SNTG2: variants seen among roughly 807,000 people sequenced by gnomAD.
The protein encoded by SNTG2 is syntrophin gamma 2, also known as gamma-2-syntrophin.
A neutral mutation model predicts 70.9 loss-of-function variants in SNTG2; 74 were observed. The ratio of observed to expected loss-of-function variants is 1.04; its 90% CI spans 0.86 to 1.27. The LOEUF (loss-of-function observed/expected upper bound fraction) is 1.27. Ranked by LOEUF, SNTG2 falls within the 50% of genes most tolerant of loss-of-function variation. The pLI is 0.00. For missense variants in SNTG2, 717 were observed against 690.7 expected, an observed-to-expected ratio of 1.04 and a Z score of -0.43; for synonymous variants, 278 against 273.8, an observed-to-expected ratio of 1.02 and a Z score of -0.15.
intron 9 of SNTG2, among the ~76,000 whole-genome samples, chr2:1,224,781 A>G (rs1227004200): frequency 5.3e-5 from 8 of 152,260 alleles, no homozygotes; most frequent in South Asian, 2.1e-4. Context: ...GGTGTTCTGA[A>G]TCGGGGCTCG....
At chr2:1,141,331 G>A (rs115403636) in intron 6 of SNTG2, among the ~76,000 whole-genome samples, 1,860 of 152,286 alleles carry the variant, frequency 0.012, 48 homozygotes, top group African/African-American at 0.043. Flanking sequence ...CTTCGGTGCC[G>A]GAACACAAAG....
intron 13 of SNTG2, among the ~76,000 whole-genome samples, chr2:1,263,662 G>A (rs1055736502): frequency 6.6e-6 from 1 of 152,138 alleles, no homozygotes; most frequent in African/African-American, 2.4e-5. Flanking sequence ...ACATCAAATC[G>A]ACATGTACGG....
At chr2:1,255,466 CAG>C (rs1677999677) in intron 12 of SNTG2, among the ~76,000 whole-genome samples, 2 of 152,108 alleles carry the variant, frequency 1.3e-5, no homozygotes, top group African/African-American at 2.4e-5. Flanking sequence ...ACATCACCAA[CAG>C]GGACCCAGAG....
chr2:988,293 C>T (rs937528407), intron 1 of SNTG2, among the ~76,000 whole-genome samples: 2 of 152,228 alleles, frequency 1.3e-5, no homozygotes, highest in Non-Finnish European at 2.9e-5. Flanking sequence ...CAAGATTAGA[C>T]ACTCATGACC....
chr2:1,095,031 T>A (rs1193282780), intron 2 of SNTG2, among the ~76,000 whole-genome samples: 1 of 141,584 alleles, frequency 7.1e-6, no homozygotes, highest in Non-Finnish European at 1.5e-5. Context: ...ATGTGTGTCC[T>A]CACATGGTAG....
intron 1 of SNTG2, among the ~76,000 whole-genome samples, chr2:1,040,830 TATTA>T (rs572382465): frequency 2.6e-5 from 4 of 152,180 alleles, no homozygotes; most frequent in Non-Finnish European, 5.9e-5. Flanking sequence ...TGACGTTTGA[TATTA>T]ATTATGCTTC....
intron 1 of SNTG2, among the ~76,000 whole-genome samples, chr2:1,038,300 T>G (rs1243824449): frequency 6.6e-6 from 1 of 152,240 alleles, no homozygotes; most frequent in East Asian, 1.9e-4. Context: ...AGATTCATTT[T>G]CTGTAACCAC....
intron 16 of SNTG2, among the ~76,000 whole-genome samples, chr2:1,365,618 A>T (rs11684551): frequency 2.6e-5 from 4 of 151,878 alleles, no homozygotes; most frequent in Admixed American, 6.6e-5. Flanking sequence ...TATTAGAACA[A>T]GCTTCAGGTA....
intron 4 of SNTG2, among the ~76,000 whole-genome samples, chr2:1,099,272 G>A (rs1665605753): frequency 1.3e-5 from 2 of 152,132 alleles, no homozygotes; most frequent in African/African-American, 4.8e-5. Context: ...GAGGCCTGCA[G>A]GGGAACAGGA....
intron 1 of SNTG2, among the ~76,000 whole-genome samples, chr2:1,081,909 C>T (rs536426560): frequency 1.2e-3 from 184 of 152,350 alleles, no homozygotes; most frequent in Non-Finnish European, 1.9e-3. Context: ...CAGATAGTCA[C>T]GTGTGACAGT....
At chr2:1,016,673 A>G (rs1456788119) in intron 1 of SNTG2, among the ~76,000 whole-genome samples, 1 of 152,252 alleles carries the variant, frequency 6.6e-6, no homozygotes, top group Non-Finnish European at 1.5e-5. Context: ...CAGGTTGGCC[A>G]AATATACATA....
chr2:992,448 C>T, intron 1 of SNTG2, among the ~76,000 whole-genome samples: 1 of 149,558 alleles, frequency 6.7e-6, no homozygotes, highest in Non-Finnish European at 1.5e-5. Context: ...CCTCAGGATA[C>T]ACTGTTGACA....
chr2:1,203,694 G>A (rs569229149), intron 8 of SNTG2, among the ~76,000 whole-genome samples: 3,160 of 131,154 alleles, frequency 0.024, 56 homozygotes, highest in South Asian at 0.1. Context: ...ATATATATGT[G>A]TGTGTGTGTG....
intron 8 of SNTG2, among the ~76,000 whole-genome samples, chr2:1,174,438 A>G (rs1671339428): frequency 6.6e-6 from 1 of 152,030 alleles, no homozygotes; most frequent in South Asian, 2.1e-4. Context: ...CAGTTTATCC[A>G]TTGTCAGTTG....
intron 9 of SNTG2, among the ~76,000 whole-genome samples, chr2:1,213,988 C>T (rs932772650): frequency 6.6e-6 from 1 of 152,182 alleles, no homozygotes; most frequent in East Asian, 1.9e-4. Context: ...GTTCTCTGAA[C>T]ACCATATATG....
chr2:1,037,825 G>T (rs898186887), intron 1 of SNTG2, among the ~76,000 whole-genome samples: 1 of 152,160 alleles, frequency 6.6e-6, no homozygotes, highest in Non-Finnish European at 1.5e-5. Flanking sequence ...GCTACAACAT[G>T]TTATTTATCC....
At chr2:1,109,396 T>C (rs1396720509) in intron 4 of SNTG2, among the ~76,000 whole-genome samples, 3 of 152,048 alleles carry the variant, frequency 2.0e-5, no homozygotes, top group Admixed American at 2.0e-4. Context: ...TGAAAAAGGA[T>C]GTGGAAGTCA....
chr2:1,223,236 T>G (rs1346419534), intron 9 of SNTG2, among the ~76,000 whole-genome samples: 6 of 116,290 alleles, frequency 5.2e-5, no homozygotes, highest in Admixed American at 1.9e-4. Flanking sequence ...CTGCTGGAGG[T>G]GCTGGATCGC....
chr2:1,000,445 A>C lies in SNTG2; in HGVS notation c.72+49377A>C, dbSNP rs1558303390. 2.0e-5 allele frequency among the ~76,000 whole-genome samples: 3 copies of C among 151,974 alleles called. No individual in the cohort carries two copies. In the East Asian group the frequency reaches 5.8e-4, roughly 29 times the overall value. On this transcript the variant is annotated intron_variant, in intron 1 of 16. Transcript: ENST00000308624. ...TCAGAAATGATAAATATGACACTAC[A>C]ACTGATATCACAGAAATACAAAAGA...
Sources: gnomAD v4.1 joint callset for allele counts (sites outside exome capture counted in the v4.1 genomes callset) on GRCh38, gnomAD v4.1.1 for gene constraint, MANE v1.5 for transcripts, NCBI Gene and HGNC (gene_info 2026-07-23, HGNC 2026-07-21) for gene names.